The following CDH8 variants were observed in gnomAD, a reference collection of about 807,000 sequenced individuals.
CDH8 encodes the protein cadherin-8.
A neutral mutation model predicts 68.1 loss-of-function variants in CDH8; 17 were observed. That is an observed-to-expected ratio of 0.25 (90% CI 0.17 to 0.37). CDH8 has a LOEUF of 0.37. Ranked by LOEUF, CDH8 falls within the 10% of genes least tolerant of loss-of-function variation. The pLI, the probability that CDH8 is intolerant of heterozygous loss-of-function variation, is 1.00. For missense variants in CDH8, 763 were observed against 999.3 expected, an observed-to-expected ratio of 0.76 and a Z score of 3.19; for synonymous variants, 372 against 365.1, an observed-to-expected ratio of 1.02 and a Z score of -0.21.
At chr16:61,819,325 C>T (rs1472556492) in intron 6 of CDH8, among the ~76,000 whole-genome samples, 1 of 151,852 alleles carries the variant, frequency 6.6e-6, no homozygotes, top group Non-Finnish European at 1.5e-5. Context: ...TTATGAATAA[C>T]AGCAAATAAA....
intron 10 of CDH8, among the ~76,000 whole-genome samples, chr16:61,678,922 ATACT>A (rs1440213094): frequency 6.6e-6 from 1 of 152,050 alleles, no homozygotes; most frequent in Non-Finnish European, 1.5e-5. Context: ...AACTTTTGAA[ATACT>A]TACATAGACA....
rs1357840275 is a variant in CDH8, at chr16:61,960,011, T to C, written c.253-58538A>G. On this transcript the variant is annotated intron_variant, in intron 2 of 11. Transcript: ENST00000577390. ...ATATATATATATATATATATATATA[T>C]ATATACACACATACACACACACACA... is the stretch of plus-strand genomic sequence containing the variant. 2.2e-4 allele frequency among the ~76,000 whole-genome samples: 18 copies of C among 82,432 alleles called. 3 individuals are homozygous for C. Among genetic ancestry groups the C allele is most frequent in the African/African-American group, 4.3e-4 (5 of 11,748 alleles). The allele number at this position is 82,432 out of a possible 152,430, so 54.1% of individuals were successfully genotyped here.
At chr16:61,747,780 A>T (rs1960058858) in intron 8 of CDH8, among the ~76,000 whole-genome samples, 1 of 147,668 alleles carries the variant, frequency 6.8e-6, no homozygotes, top group South Asian at 2.1e-4. Flanking sequence ...ACACTAAAAT[A>T]AAAAAAAAAG....
In CDH8 at chr16:61,957,885, T is replaced by A. The variant is rs185546128; in HGVS notation, c.253-56412A>T. Among the ~76,000 whole-genome samples, 301 of 152,282 alleles carry A rather than the reference T, an allele frequency of 2.0e-3. 1 individual carries two copies. Among genetic ancestry groups the A allele is most frequent in the African/African-American group, 6.9e-3 (285 of 41,562 alleles). On this transcript the variant is annotated intron_variant, in intron 2 of 11. Transcript: ENST00000577390. ...CACATCTTTCCCTTCATCTTTATATTCCAAGAACCTAGTGCAGGGTCTGCT... is the reference window on the plus strand; with the variant it reads ...CACATCTTTCCCTTCATCTTTATATACCAAGAACCTAGTGCAGGGTCTGCT...
chr16:61,980,599 C>G (rs960740610), intron 2 of CDH8, among the ~76,000 whole-genome samples: 5 of 152,088 alleles, frequency 3.3e-5, no homozygotes, highest in African/African-American at 1.2e-4. Flanking sequence ...TTTGTAAATA[C>G]TATAAAGATT....
intron 2 of CDH8, among the ~76,000 whole-genome samples, chr16:61,977,816 T>C (rs1965464749): frequency 6.6e-6 from 1 of 152,170 alleles, no homozygotes. Context: ...ATTTATTAAT[T>C]TCATTTTTAA....
At chr16:61,945,917 A>G (rs1964794685) in intron 2 of CDH8, among the ~76,000 whole-genome samples, 1 of 152,206 alleles carries the variant, frequency 6.6e-6, no homozygotes. Flanking sequence ...AGGCTGTAGA[A>G]TGAATGGCTG....
intron 7 of CDH8, among the ~76,000 whole-genome samples, chr16:61,809,100 C>A (rs1048825773): frequency 6.6e-6 from 1 of 151,758 alleles, no homozygotes; most frequent in Non-Finnish European, 1.5e-5. Context: ...GCAGGAGAAT[C>A]GCTTGAACCC....
chr16:61,972,691 A>G (rs1011893228), intron 2 of CDH8, among the ~76,000 whole-genome samples: 4 of 151,692 alleles, frequency 2.6e-5, no homozygotes, highest in Admixed American at 2.6e-4. Flanking sequence ...CAGGAATATG[A>G]CCCAATCAAG....
At chr16:61,694,765 C>T (rs1438122622) in intron 10 of CDH8, among the ~76,000 whole-genome samples, 1 of 151,584 alleles carries the variant, frequency 6.6e-6, no homozygotes, top group Non-Finnish European at 1.5e-5. Flanking sequence ...TTTGTTGTTG[C>T]TGTTGGTGGT....
intron 2 of CDH8, among the ~76,000 whole-genome samples, chr16:61,915,537 C>G (rs1964225445): frequency 6.6e-6 from 1 of 152,154 alleles, no homozygotes; most frequent in Non-Finnish European, 1.5e-5. Flanking sequence ...CGCACCAGAA[C>G]CAAGTACGGG....
intron 3 of CDH8, among the ~76,000 whole-genome samples, chr16:61,884,612 G>T (rs1395483818): frequency 6.6e-6 from 1 of 152,040 alleles, no homozygotes; most frequent in East Asian, 1.9e-4. Flanking sequence ...GACCTCAGGT[G>T]ATCCGCCCGC....
intron 3 of CDH8, among the ~76,000 whole-genome samples, chr16:61,883,244 G>A (rs1357702966): frequency 6.6e-6 from 1 of 152,102 alleles, no homozygotes; most frequent in African/African-American, 2.4e-5. Flanking sequence ...GGGCACTCTA[G>A]GTATGCAAGC....
At chr16:61,709,383 G>C (rs985084718) in intron 10 of CDH8, among the ~76,000 whole-genome samples, 4 of 152,114 alleles carry the variant, frequency 2.6e-5, no homozygotes, top group South Asian at 4.1e-4. Context: ...TACAGAAAAT[G>C]TATTCCTGAA....
At chr16:61,655,841 T>G (rs560315079) in intron 10 of CDH8, 120 bp from the exon 11 acceptor site, 122 of 806,216 alleles carry the variant, frequency 1.5e-4, no homozygotes, top group Non-Finnish European at 2.1e-4. Context: ...TTCAAAGGAC[T>G]GCTCAGGCTT....
At chr16:61,783,070 G>C (rs1371380717) in intron 8 of CDH8, among the ~76,000 whole-genome samples, 1 of 148,740 alleles carries the variant, frequency 6.7e-6, no homozygotes, top group Non-Finnish European at 1.5e-5. Flanking sequence ...ACCAGCAATG[G>C]AACAAAGCTG....
rs113978852 is a variant in CDH8, at chr16:61,789,473, G to C, written c.1287C>G (p.Ile429Met). 1 of 1,612,142 alleles carries C rather than the reference G, an allele frequency of 6.2e-7. No individual in the cohort carries two copies. The highest frequency in any genetic ancestry group is 8.5e-7 in the Non-Finnish European group (1 of 1,179,008). The change falls in exon 8 of 12, where the codon ATC becomes ATG. Residue 429 changes from isoleucine to methionine, a missense_variant. Around this residue, in one of 2 missense-constraint regions of CDH8, gnomAD observed 366 missense variants for 563.1 expected, o/e 0.65. Coordinates refer to ENST00000577390, the MANE Select transcript of CDH8 (RefSeq NM_001796.5). The stretch of plus-strand genomic sequence containing the variant: ...GCCTCTCCAGGTCAGTGTGCCGGTC[G>C]ATGGAAAACCTACAAAACAGACACA... ...DITSSPIRFS[I>M]DRHTDLERQF...
At chr16:61,740,778 A>T (rs950422953) in intron 8 of CDH8, among the ~76,000 whole-genome samples, 1 of 152,118 alleles carries the variant, frequency 6.6e-6, no homozygotes, top group Non-Finnish European at 1.5e-5. Context: ...ACAATTATTT[A>T]TCTGTTCTCT....
At chr16:61,856,709 A>T (rs992443005) in intron 4 of CDH8, among the ~76,000 whole-genome samples, 21 of 152,134 alleles carry the variant, frequency 1.4e-4, no homozygotes, top group African/African-American at 4.8e-4. Context: ...GTTTTATCTG[A>T]TCTTCTTCAC....
Sources: allele counts gnomAD v4.1 joint callset (sites outside exome capture counted in the v4.1 genomes callset), GRCh38; gene constraint gnomAD v4.1.1; regional missense constraint gnomAD v4.1.1; transcripts MANE v1.5; gene names NCBI Gene and HGNC (gene_info 2026-07-23, HGNC 2026-07-21).